The following PRKG1 variants were observed in gnomAD, a reference collection of about 807,000 sequenced individuals.
The protein encoded by PRKG1 is protein kinase cGMP-dependent 1.
Under a neutral mutation model 88.1 loss-of-function variants are expected in PRKG1, and 35 were observed. That is an observed-to-expected ratio of 0.40 (90% confidence interval 0.30 to 0.53). The LOEUF (loss-of-function observed/expected upper bound fraction) is 0.53, where lower values mean the gene tolerates loss of function less well. Among genes scored for constraint, PRKG1 ranks in the 20% least tolerant of loss-of-function variants. PRKG1 has a pLI of 0.59. For synonymous variants in PRKG1, 303 were observed against 292.5 expected, an observed-to-expected ratio of 1.04 and a Z score of -0.37; for missense variants, 540 against 839.8, an observed-to-expected ratio of 0.64 and a Z score of 4.41.
intron 2 of PRKG1, among the ~76,000 whole-genome samples, chr10:51,298,793 G>A (rs1193867115): frequency 6.6e-6 from 1 of 152,186 alleles, no homozygotes; most frequent in Non-Finnish European, 1.5e-5. Context: ...GTGAGTGGTA[G>A]AATGTGAAGC....
At chr10:51,728,402 T>G (rs1427471368) in intron 3 of PRKG1, among the ~76,000 whole-genome samples, 1 of 151,374 alleles carries the variant, frequency 6.6e-6, no homozygotes, top group Non-Finnish European at 1.5e-5. Flanking sequence ...ATTAGCATCT[T>G]TAAAAATGTG....
chr10:51,276,799 T>C (rs1406640888), intron 2 of PRKG1, among the ~76,000 whole-genome samples: 2 of 152,194 alleles, frequency 1.3e-5, no homozygotes, highest in Non-Finnish European at 2.9e-5. Flanking sequence ...TTCGCCCACT[T>C]TTTGATGGGG....
At position 52,256,372 on chromosome 10, in the gene PRKG1, T is replaced by A. The variant is rs1234657925; in HGVS notation, c.1173+4706T>A. 1.4e-5 allele frequency among the ~76,000 whole-genome samples: 2 copies of A among 138,978 alleles called. 1 individual carries two copies. 91.2% of individuals were successfully genotyped at this position (138,978 alleles called of 152,430 possible). On this transcript the variant is annotated intron_variant, in intron 10 of 17. Coordinates refer to ENST00000373980, the MANE Select transcript of PRKG1 (RefSeq NM_006258.4). ...GCAAAATACCTGCAGAGAAAAAAAA[T>A]CCGACAGTGTAACATGGTAGCTAGA...
chr10:51,063,592 T>C (rs1485243149), intron 1 of PRKG1, among the ~76,000 whole-genome samples: 3 of 152,210 alleles, frequency 2.0e-5, no homozygotes, highest in Non-Finnish European at 1.5e-5. Context: ...CGGTCTATCA[T>C]TGACAGAAAA....
chr10:51,239,660 G>T (rs768328825), intron 2 of PRKG1, among the ~76,000 whole-genome samples: 1 of 152,130 alleles, frequency 6.6e-6, no homozygotes, highest in African/African-American at 2.4e-5. Flanking sequence ...TGAAATTCTT[G>T]CATTATTTCT....
At chr10:51,376,330 CTCTT>C (rs1236772752) in intron 2 of PRKG1, among the ~76,000 whole-genome samples, 1 of 152,152 alleles carries the variant, frequency 6.6e-6, no homozygotes, top group Non-Finnish European at 1.5e-5. Flanking sequence ...ACAGTTGTGT[CTCTT>C]TCTCTTTTCT....
rs572725547 is a variant in PRKG1, at chr10:51,478,598, T to C, written c.592+10762T>C. ...CTAAAACTGTAGTGAACCAAGTTCTTGAAATTGCTCATATTCATTGCCTTT... is the reference window on the plus strand; with the variant it reads ...CTAAAACTGTAGTGAACCAAGTTCTCGAAATTGCTCATATTCATTGCCTTT... On this transcript the variant is annotated intron_variant, in intron 3 of 17. Transcript: ENST00000373980. Among the ~76,000 whole-genome samples, 96 of 152,238 alleles carry C rather than the reference T, an allele frequency of 6.3e-4. No individual in the cohort carries two copies. In the South Asian group the frequency reaches 8.7e-3, roughly 14 times the overall value.
At chr10:51,529,358 T>A (rs1469419787) in intron 3 of PRKG1, among the ~76,000 whole-genome samples, 1 of 152,178 alleles carries the variant, frequency 6.6e-6, no homozygotes, top group Non-Finnish European at 1.5e-5. Flanking sequence ...TTTAAAAAAA[T>A]TAATTCAGAT....
At chr10:51,572,104 T>C (rs1260796998) in intron 3 of PRKG1, among the ~76,000 whole-genome samples, 1 of 151,906 alleles carries the variant, frequency 6.6e-6, no homozygotes, top group Non-Finnish European at 1.5e-5. Flanking sequence ...ATTAAAATTT[T>C]TTCAAAAAGC....
At chr10:51,276,423 A>C (rs922878598) in intron 2 of PRKG1, among the ~76,000 whole-genome samples, 1 of 152,214 alleles carries the variant, frequency 6.6e-6, no homozygotes, top group Non-Finnish European at 1.5e-5. Context: ...CGCAATAAAC[A>C]TACATGTGCA....
Position 51,224,007 on chromosome 10 carries a change from T to A in PRKG1, c.478+70677T>A, listed in dbSNP as rs560930778. Reference sequence around the variant, plus strand: ...TTCTACATGCCCATCCTGTAAATGGTATCTTTGTGTAAAAAAGAAGCAAGC... The same window carrying A: ...TTCTACATGCCCATCCTGTAAATGGAATCTTTGTGTAAAAAAGAAGCAAGC... On this transcript the variant is annotated intron_variant, in intron 2 of 17. Coordinates refer to ENST00000373980, the MANE Select transcript of PRKG1 (RefSeq NM_006258.4). Among the ~76,000 whole-genome samples, 175 of 152,284 alleles carry A rather than the reference T, an allele frequency of 1.1e-3. 1 individual carries two copies. Among genetic ancestry groups the A allele is most frequent in the African/African-American group, 4.1e-3 (170 of 41,558 alleles).
At chr10:51,711,834 A>G (rs1047800352) in intron 3 of PRKG1, among the ~76,000 whole-genome samples, 9 of 152,206 alleles carry the variant, frequency 5.9e-5, no homozygotes, top group African/African-American at 2.2e-4. Context: ...ACTTTAATAG[A>G]TAGATCCAGA....
chr10:51,632,761 T>C (rs776980369), intron 3 of PRKG1, among the ~76,000 whole-genome samples: 5 of 152,214 alleles, frequency 3.3e-5, no homozygotes, highest in African/African-American at 1.2e-4. Flanking sequence ...TAAGGAACTC[T>C]GATTGGGCTG....
chr10:51,749,333 G>A (rs1419566893), intron 3 of PRKG1, among the ~76,000 whole-genome samples: 1 of 152,170 alleles, frequency 6.6e-6, no homozygotes, highest in Non-Finnish European at 1.5e-5. Context: ...TTCTGAAGCT[G>A]GAAGTCTGAG....
intron 3 of PRKG1, among the ~76,000 whole-genome samples, chr10:51,497,102 A>G (rs1490229891): frequency 6.6e-6 from 1 of 152,198 alleles, no homozygotes; most frequent in Non-Finnish European, 1.5e-5. Context: ...ACCCACATAC[A>G]GTACTAGCTA....
intron 1 of PRKG1, among the ~76,000 whole-genome samples, chr10:51,113,040 C>G (rs1364127537): frequency 6.6e-6 from 1 of 152,192 alleles, no homozygotes; most frequent in African/African-American, 2.4e-5. Context: ...CCCTCATTAG[C>G]TGATGACATG....
chr10:52,004,428 A>G (rs1844678714), intron 5 of PRKG1, among the ~76,000 whole-genome samples: 1 of 152,358 alleles, frequency 6.6e-6, no homozygotes, highest in African/African-American at 2.4e-5. Flanking sequence ...ACTAATTCTT[A>G]GCTAAAAACT....
chr10:52,080,241 A>T (rs927994214), intron 7 of PRKG1, among the ~76,000 whole-genome samples: 1 of 152,100 alleles, frequency 6.6e-6, no homozygotes, highest in Non-Finnish European at 1.5e-5. Flanking sequence ...TGCATCCAAT[A>T]TCCACTTATA....
In PRKG1 at chr10:51,356,331, C is replaced by A. The variant is rs72805004; in HGVS notation, c.479-111392C>A. On this transcript the variant is annotated intron_variant, in intron 2 of 17. Coordinates refer to ENST00000373980, the MANE Select transcript of PRKG1 (RefSeq NM_006258.4). Reference sequence around the variant, plus strand: ...TGATTCAAACAATTGTATATGTAGCCCATGCTCAGGGAGAAAAATCTATGA... The same window carrying A: ...TGATTCAAACAATTGTATATGTAGCACATGCTCAGGGAGAAAAATCTATGA... 8.8e-3 allele frequency among the ~76,000 whole-genome samples: 1,341 copies of A among 151,874 alleles called. 15 individuals carry two copies. Among genetic ancestry groups the A allele is most frequent in the Non-Finnish European group, 0.01 (691 of 67,890 alleles).
Sources: gnomAD v4.1 joint callset for allele counts (sites outside exome capture counted in the v4.1 genomes callset) on GRCh38, gnomAD v4.1.1 for gene constraint, MANE v1.5 for transcripts, NCBI Gene and HGNC (gene_info 2026-07-23, HGNC 2026-07-21) for gene names.